NSMCE2: variants seen among roughly 807,000 people sequenced by gnomAD.
NSMCE2 encodes the protein E3 SUMO-protein ligase NSE2.
A neutral mutation model predicts 23.8 loss-of-function variants in NSMCE2; 24 were observed. The observed-to-expected ratio is 1.01, with a 90% confidence interval of 0.73 to 1.42. The LOEUF (loss-of-function observed/expected upper bound fraction) is 1.42. NSMCE2 is among the 40% of genes most tolerant of loss of function. The pLI, the probability that NSMCE2 is intolerant of heterozygous loss-of-function variation, is 0.00. For missense variants in NSMCE2, 284 were observed against 296.5 expected (o/e 0.96, Z 0.31); for synonymous variants, 92 against 94.1 (o/e 0.98, Z 0.13).
intron 3 of NSMCE2, among the ~76,000 whole-genome samples, chr8:125,146,178 C>A (rs1820664334): frequency 6.6e-6 from 1 of 152,128 alleles, no homozygotes; most frequent in Admixed American, 6.5e-5. Context: ...GGGTCTTTGA[C>A]TTTCTCCTAC....
intron 7 of NSMCE2, among the ~76,000 whole-genome samples, chr8:125,362,261 C>T (rs1233378773): frequency 6.6e-6 from 1 of 152,232 alleles, no homozygotes; most frequent in Non-Finnish European, 1.5e-5. Flanking sequence ...CTTGATTCAG[C>T]ACTGTGGCAT....
chr8:125,355,870 G>A (rs1046148058), intron 5 of NSMCE2, among the ~76,000 whole-genome samples: 25 of 152,026 alleles, frequency 1.6e-4, no homozygotes, highest in African/African-American at 5.8e-4. Flanking sequence ...GGGGCCAATG[G>A]GATGTAACTC....
chr8:125,294,779 G>C (rs1828258366), intron 5 of NSMCE2, among the ~76,000 whole-genome samples: 1 of 152,180 alleles, frequency 6.6e-6, no homozygotes, highest in African/African-American at 2.4e-5. Flanking sequence ...TTTGCGCTAT[G>C]AATTCATTCA....
chr8:125,097,882 T>C lies in NSMCE2; in HGVS notation c.-110-4169T>C, dbSNP rs541406024. Among the ~76,000 whole-genome samples, 3 of 152,322 alleles carry C rather than the reference T, an allele frequency of 2.0e-5. No homozygotes were observed. The South Asian group carries it at 6.2e-4, about 32-fold the overall frequency. ...TTATATTGTAGAAAGCTTTGGATACTGTGCTAATTATGTTGAATTTTATTA... is the reference window on the plus strand; with the variant it reads ...TTATATTGTAGAAAGCTTTGGATACCGTGCTAATTATGTTGAATTTTATTA... On this transcript the variant is annotated intron_variant, in intron 1 of 7. Coordinates refer to ENST00000287437, the MANE Select transcript of NSMCE2 (RefSeq NM_173685.4).
At chr8:125,178,196 T>C (rs898077812) in intron 4 of NSMCE2, among the ~76,000 whole-genome samples, 3 of 152,190 alleles carry the variant, frequency 2.0e-5, no homozygotes, top group African/African-American at 7.2e-5. Flanking sequence ...TGTAGTGTCT[T>C]TCTCGCTGCC....
At chr8:125,342,304 A>G (rs1229472008) in intron 5 of NSMCE2, among the ~76,000 whole-genome samples, 1 of 152,264 alleles carries the variant, frequency 6.6e-6, no homozygotes, top group Non-Finnish European at 1.5e-5. Flanking sequence ...CATGCTAAGC[A>G]TATTGTCAAG....
At chr8:125,138,471 C>T (rs1470678388) in intron 3 of NSMCE2, among the ~76,000 whole-genome samples, 6 of 151,932 alleles carry the variant, frequency 3.9e-5, no homozygotes, top group Non-Finnish European at 8.8e-5. Flanking sequence ...AGTGATCCTC[C>T]TGCCTTGGCT....
chr8:125,125,685 A>C (rs950775333), intron 3 of NSMCE2, among the ~76,000 whole-genome samples: 16 of 152,220 alleles, frequency 1.1e-4, no homozygotes, highest in African/African-American at 3.6e-4. Context: ...AGCTGTGAGC[A>C]GCTTGGTGTC....
intron 7 of NSMCE2, among the ~76,000 whole-genome samples, chr8:125,362,108 C>T (rs1441868847): frequency 1.3e-5 from 2 of 152,162 alleles, no homozygotes; most frequent in African/African-American, 2.4e-5. Flanking sequence ...GCCGCTCCTG[C>T]GAGGCCTGAA....
chr8:125,162,396 A>G (rs543014350), intron 4 of NSMCE2, among the ~76,000 whole-genome samples: 4 of 152,334 alleles, frequency 2.6e-5, no homozygotes, highest in East Asian at 3.9e-4. Context: ...AGAATGTAGA[A>G]TTAAACCGTT....
At chr8:125,331,639 A>T (rs1829882103) in intron 5 of NSMCE2, among the ~76,000 whole-genome samples, 1 of 152,024 alleles carries the variant, frequency 6.6e-6, no homozygotes, top group South Asian at 2.1e-4. Flanking sequence ...TTTTCTCTTA[A>T]TCCTTCAGAA....
chr8:125,134,575 C>T (rs911615813), intron 3 of NSMCE2, among the ~76,000 whole-genome samples: 8 of 152,114 alleles, frequency 5.3e-5, no homozygotes, highest in African/African-American at 1.9e-4. Context: ...GGTGAAGTAT[C>T]TTCAAATCTT....
At chr8:125,283,402 G>A (rs1253886444) in intron 5 of NSMCE2, among the ~76,000 whole-genome samples, 1 of 152,094 alleles carries the variant, frequency 6.6e-6, no homozygotes, top group Non-Finnish European at 1.5e-5. Context: ...AGCTGCTCAT[G>A]GTGACCTGCA....
intron 5 of NSMCE2, among the ~76,000 whole-genome samples, chr8:125,322,112 A>G (rs1829482037): frequency 6.6e-6 from 1 of 152,068 alleles, no homozygotes; most frequent in Admixed American, 6.5e-5. Context: ...TATGACCTCA[A>G]ACTGACCACT....
intron 5 of NSMCE2, among the ~76,000 whole-genome samples, chr8:125,314,051 A>G (rs1829079900): frequency 6.6e-6 from 1 of 152,226 alleles, no homozygotes; most frequent in South Asian, 2.1e-4. Flanking sequence ...AAAGACCGGT[A>G]ATCAAATAGG....
chr8:125,207,926 C>T (rs1361044308), intron 5 of NSMCE2, among the ~76,000 whole-genome samples: 6 of 152,202 alleles, frequency 3.9e-5, no homozygotes. Flanking sequence ...GGAAATCTCA[C>T]AGTGTAACTT....
intron 5 of NSMCE2, among the ~76,000 whole-genome samples, chr8:125,252,602 A>G (rs755153077): frequency 1.3e-5 from 2 of 152,226 alleles, no homozygotes; most frequent in Non-Finnish European, 2.9e-5. Context: ...AAAAATTGGC[A>G]TGTGTCTTAT....
At chr8:125,242,691 G>A (rs747631519) in intron 5 of NSMCE2, among the ~76,000 whole-genome samples, 2 of 152,208 alleles carry the variant, frequency 1.3e-5, no homozygotes, top group Admixed American at 6.5e-5. Context: ...CAGAGTAGTT[G>A]TGGAAGAGGA....
At chr8:125,310,429 G>A (rs966475806) in intron 5 of NSMCE2, among the ~76,000 whole-genome samples, 1 of 152,214 alleles carries the variant, frequency 6.6e-6, no homozygotes, top group Non-Finnish European at 1.5e-5. Context: ...CCTACCATAT[G>A]ATGAGTGCCC....
Sources: allele counts gnomAD v4.1 joint callset (sites outside exome capture counted in the v4.1 genomes callset), GRCh38; gene constraint gnomAD v4.1.1; transcripts MANE v1.5; gene names NCBI Gene and HGNC (gene_info 2026-07-23, HGNC 2026-07-21).